Variants in NT5DC2 observed in about 807,000 individuals in gnomAD.
The protein encoded by NT5DC2 is 5'-nucleotidase domain containing 2, also known as 5'-nucleotidase domain-containing protein 2.
A neutral mutation model predicts 70.0 loss-of-function variants in NT5DC2; 41 were observed. That is an observed-to-expected ratio of 0.59 (90% CI 0.46 to 0.76). NT5DC2 has a LOEUF of 0.76. Ranked by LOEUF, NT5DC2 falls within the 30% of genes least tolerant of loss-of-function variation. The probability of loss-of-function intolerance (pLI) is 0.00; values close to 1 mark genes in which losing one functional copy is unlikely to be tolerated. For missense variants in NT5DC2, 705 were observed against 783.2 expected, an observed-to-expected ratio of 0.90 and a Z score of 1.19; for synonymous variants, 299 against 310.4, an observed-to-expected ratio of 0.96 and a Z score of 0.39.
rs376355333 is a variant in NT5DC2, at chr3:52,524,797, C to A, written c.1412+20G>T. The A allele has an allele frequency of 2.5e-6, 4 of 1,612,410 alleles. No individual in the cohort carries two copies. The highest frequency in any genetic ancestry group is 3.4e-6 in the Non-Finnish European group (4 of 1,179,994). On this transcript the variant is annotated intron_variant, in intron 13 of 13. Transcript: ENST00000422318. ...GGTGGTGGCTTGGCTGGGACTCCTG[C>A]CCTGGCCCCACCTGCTCACCTCAGC...
upstream of NT5DC2, chr3:52,533,930 G>A (rs1275275854): frequency 5.1e-6 from 3 of 589,368 alleles, no homozygotes; most frequent in Non-Finnish European, 6.4e-6. Context: ...CCCCGGACCC[G>A]GCGGGGCGGG....
rs2079205797 is a variant in NT5DC2 at position 52,524,544 on chromosome 3, G to A, written c.1600C>T (p.Pro534Ser). 1 of 1,613,100 alleles carries A rather than the reference G, an allele frequency of 6.2e-7. No individual in the cohort carries two copies. The highest frequency in any genetic ancestry group is 8.5e-7 in the Non-Finnish European group (1 of 1,180,034). Reference sequence around the variant, plus strand: ...GTGCAGAGCTGGTCCATCCAGAGGGGTGCCTCGTGCTGCAGCGGCGTACGG... The same window carrying A: ...GTGCAGAGCTGGTCCATCCAGAGGGATGCCTCGTGCTGCAGCGGCGTACGG... ...PRRTPLQHEAPLWMDQLCTGC... is the reference protein window; with the variant it reads ...PRRTPLQHEASLWMDQLCTGC... The change falls in exon 14 of 14, where the codon CCC (proline) becomes TCC (serine). Residue 534 changes from proline (P) to serine (S), a missense_variant. Coordinates refer to ENST00000422318, the MANE Select transcript of NT5DC2 (RefSeq NM_001134231.2).
At chr3:52,533,938 G>C, upstream of NT5DC2, 1 of 632,050 alleles carries the variant, frequency 1.6e-6, no homozygotes, top group Non-Finnish European at 2.0e-6. Flanking sequence ...CCGGCGGGGC[G>C]GGGCGGGGCG....
At position 52,524,706 on chromosome 3, in the gene NT5DC2, C is replaced by T. The variant is rs775588963; in HGVS notation, c.1438G>A (p.Ala480Thr). The change falls in exon 14 of 14, where the codon GCG (alanine) becomes ACG (threonine). Residue 480 changes from alanine (A) to threonine (T), a missense_variant. Coordinates refer to ENST00000422318, the MANE Select transcript of NT5DC2 (RefSeq NM_001134231.2). ...GTGCGGAAGATGCTGCCGAACTGCG[C>T]ATTGAACAGGGCCTTGGTGATGCAC... ...LRCITKALFNAQFGSIFRTFH... is the reference protein window; with the variant it reads ...LRCITKALFNTQFGSIFRTFH... The T allele has an allele frequency of 1.2e-6, 2 of 1,612,680 alleles. No homozygotes were observed. Among genetic ancestry groups the T allele is most frequent in the Non-Finnish European group, 1.7e-6 (2 of 1,180,038 alleles).
rs2079290839 is a variant in NT5DC2 at position 52,527,289 on chromosome 3, C to T, written c.1119+5G>A. 6.2e-7 allele frequency: 1 copy of T among 1,613,780 alleles called. No homozygotes were observed. The highest frequency in any genetic ancestry group is 1.7e-5 in the Admixed American group (1 of 59,990). Reference sequence around the variant, plus strand: ...CACATGCTGCTCTCCCCAGATGGCCCTTACCTGCCGATAGATCTTGCCCTT... The same window carrying T: ...CACATGCTGCTCTCCCCAGATGGCCTTTACCTGCCGATAGATCTTGCCCTT... On this transcript the variant is annotated splice_donor_5th_base_variant and intron_variant, in intron 10 of 13. Coordinates refer to ENST00000422318, the MANE Select transcript of NT5DC2 (RefSeq NM_001134231.2).
In NT5DC2 at chr3:52,525,011, G is replaced by C; in HGVS notation, c.1299C>G (p.His433Gln). ...IRIINTEQYM[H>Q]SLTWQQALTG... is the part of the protein sequence containing the mutation. ...TGAGCGCCTGCTGCCACGTCAGCGAGTGCATGTACTGCTCCGTGTTGATGA... is the reference window on the plus strand; with the variant it reads ...TGAGCGCCTGCTGCCACGTCAGCGACTGCATGTACTGCTCCGTGTTGATGA... Residue 433 changes from histidine (H) to glutamine (Q), a missense_variant, in exon 12 of 14, where the codon CAC (histidine) becomes CAG (glutamine). Coordinates refer to ENST00000422318, the MANE Select transcript of NT5DC2 (RefSeq NM_001134231.2). 6.2e-7 allele frequency: 1 copy of C among 1,610,782 alleles called. No homozygotes were observed. The highest frequency in any genetic ancestry group is 1.1e-5 in the South Asian group (1 of 90,766).
At chr3:52,525,389 G>A (rs552920479) in intron 10 of NT5DC2, 94 bp from the exon 11 acceptor site, 288 of 917,946 alleles carry the variant, frequency 3.1e-4, no homozygotes, top group Non-Finnish European at 4.4e-4. Flanking sequence ...AAATCCAGCC[G>A]GATGCTGGCT....
intron 9 of NT5DC2, 75 bp downstream of exon 9, chr3:52,527,542 C>G: frequency 6.5e-7 from 1 of 1,549,540 alleles, no homozygotes; most frequent in Non-Finnish European, 8.8e-7. Flanking sequence ...AGGTTGGCCT[C>G]CTGCTTCAGT....
intron 10 of NT5DC2, chr3:52,526,108 A>C (rs1321981589): frequency 6.6e-6 from 1 of 152,324 alleles, no homozygotes; most frequent in Admixed American, 6.5e-5. Flanking sequence ...AATACTGGGC[A>C]TAAAGAACTG....
chr3:52,534,410 G>C, upstream of NT5DC2: 1 of 1,523,796 alleles, frequency 6.6e-7, no homozygotes, highest in East Asian at 2.3e-5. Context: ...CGCTGGGGGA[G>C]GCCGAGGGGC....
In NT5DC2 at chr3:52,528,079, G is replaced by C; in HGVS notation, c.772-6C>G. On this transcript the variant is annotated splice_polypyrimidine_tract_variant and splice_region_variant and intron_variant, in intron 6 of 13. Transcript: ENST00000422318. ...TGCACGTCTCGGATGGCGTCCTGGGGGCAGTGGAGGACAATGAGGGTACAG... is the reference window on the plus strand; with the variant it reads ...TGCACGTCTCGGATGGCGTCCTGGGCGCAGTGGAGGACAATGAGGGTACAG... 1 of 1,612,792 alleles carries C rather than the reference G, an allele frequency of 6.2e-7. No homozygotes were observed. The highest frequency in any genetic ancestry group is 8.5e-7 in the Non-Finnish European group (1 of 1,179,850).
At chr3:52,534,348 C>T (rs1241027130), upstream of NT5DC2, 2 of 928,060 alleles carry the variant, frequency 2.2e-6, no homozygotes, top group Non-Finnish European at 3.3e-6. Context: ...CCAGTCCACT[C>T]ACTGGTCTAA....
rs199800511 is a variant in NT5DC2 at position 52,528,856 on chromosome 3, C to G, written c.492+5G>C. ...GGGAGCCCCTATACAGGTCCAGCCA[C>G]TCACCTTCTGAATGTCATAGTGGAG... On this transcript the variant is annotated splice_donor_5th_base_variant and intron_variant, in intron 3 of 13. Transcript: ENST00000422318. The G allele has an allele frequency of 1.2e-6, 2 of 1,613,942 alleles. No individual in the cohort carries two copies. The highest frequency in any genetic ancestry group is 1.7e-6 in the Non-Finnish European group (2 of 1,179,916).
chr3:52,528,869 T>C lies in NT5DC2; in HGVS notation c.484A>G (p.Ile162Val), dbSNP rs1385365832. The C allele has an allele frequency of 1.9e-6, 3 of 1,614,046 alleles. No homozygotes were observed. Among genetic ancestry groups the C allele is most frequent in the African/African-American group, 2.7e-5 (2 of 75,042 alleles). ...SFAIRGLHYD[I>V]QKSLLMKIDA... is the part of the protein sequence containing the mutation. ...CAGGTCCAGCCACTCACCTTCTGAA[T>C]GTCATAGTGGAGGCCACGGATGGCA... Residue 162 changes from isoleucine (I) to valine (V), a missense_variant, in exon 3 of 14, where the codon ATT becomes GTT. Ile to Val is a conservative substitution (Grantham distance 29). Transcript: ENST00000422318.
intron 10 of NT5DC2, chr3:52,526,018 A>AGAG (rs1491533029): frequency 6.6e-6 from 1 of 151,532 alleles, no homozygotes; most frequent in East Asian, 1.9e-4. Context: ...ACCAAGAGAA[A>AGAG]GAGTCTCAAA....
upstream of NT5DC2, chr3:52,534,063 C>T (rs900925165): frequency 9.2e-6 from 2 of 217,228 alleles, no homozygotes; most frequent in Middle Eastern, 1.9e-3. Context: ...GGCCCCAGCC[C>T]TGGAAGTCAG....
In NT5DC2 at chr3:52,531,280, A is replaced by C. The variant is rs949513516; in HGVS notation, c.233-1946T>G. On this transcript the variant is annotated intron_variant, in intron 1 of 13. Coordinates refer to ENST00000422318, the MANE Select transcript of NT5DC2 (RefSeq NM_001134231.2). This position sits in a 1 kb window ranked among gnomAD's most constrained non-coding sequence, Gnocchi z 4.1. ...TAGACAGGAGTCTTCACTTGGATGC[A>C]AGTGAGACAGTTGACTGCAACGCTC... 6.6e-6 allele frequency among the ~76,000 whole-genome samples: 1 copy of C among 152,100 alleles called. No individual in the cohort carries two copies. Among genetic ancestry groups the C allele is most frequent in the Non-Finnish European group, 1.5e-5 (1 of 67,980 alleles).
chr3:52,529,455 C>T lies in NT5DC2; in HGVS notation c.233-121G>A. The T allele has an allele frequency of 3.4e-6, 3 of 883,882 alleles. No individual in the cohort carries two copies. Among genetic ancestry groups the T allele is most frequent in the Non-Finnish European group, 5.3e-6 (3 of 569,690 alleles). The allele number at this position is 883,882 out of a possible 1,614,324, so 54.8% of individuals were successfully genotyped here. On this transcript the variant is annotated intron_variant, in intron 1 of 13. Coordinates refer to ENST00000422318, the MANE Select transcript of NT5DC2 (RefSeq NM_001134231.2). The surrounding 1 kb of genome is among the most constrained non-coding windows in gnomAD (Gnocchi z 4.1). ...CCTCAGAAACGCCCCACAATGGCAC[C>T]TCTTATTCCAGTGCTGGAGATGGTC...
At chr3:52,525,737 G>A (rs2079253348) in intron 10 of NT5DC2, 1 of 175,130 alleles carries the variant, frequency 5.7e-6, no homozygotes, top group South Asian at 1.3e-4. Flanking sequence ...CACTCAGCCA[G>A]GCCCACATGT....
Sources: gnomAD v4.1 joint callset for allele counts (sites outside exome capture counted in the v4.1 genomes callset) on GRCh38, gnomAD v4.1.1 for gene constraint, Gnocchi (gnomAD v3.1) non-coding constraint, MANE v1.5 for transcripts, NCBI Gene and HGNC (gene_info 2026-07-23, HGNC 2026-07-21) for gene names.